The following KCNU1 variants were observed in gnomAD, a reference collection of about 807,000 sequenced individuals.
KCNU1 encodes potassium calcium-activated channel subfamily U member 1.
A neutral mutation model predicts 126.8 loss-of-function variants in KCNU1; 93 were observed. That is an observed-to-expected ratio of 0.73 (90% CI 0.62 to 0.87). The LOEUF is 0.87. Among genes scored for constraint, KCNU1 ranks in the 40% least tolerant of loss-of-function variants. The pLI, the probability that KCNU1 is intolerant of heterozygous loss-of-function variation, is 0.00. For synonymous variants in KCNU1, 523 were observed against 494.2 expected, an observed-to-expected ratio of 1.06 and a Z score of -0.77; for missense variants, 1,330 against 1,367.1, an observed-to-expected ratio of 0.97 and a Z score of 0.43.
At chr8:36,786,001 T>C (rs542351847) in intron 1 of KCNU1, among the ~76,000 whole-genome samples, 1 of 152,102 alleles carries the variant, frequency 6.6e-6, no homozygotes, top group Non-Finnish European at 1.5e-5. Flanking sequence ...TGCTTTTGAA[T>C]CTTGAGGAAA....
At chr8:36,909,032 G>A (rs563183230) in intron 20 of KCNU1, among the ~76,000 whole-genome samples, 26 of 152,262 alleles carry the variant, frequency 1.7e-4, no homozygotes, top group African/African-American at 5.3e-4. Context: ...ACACCCTGAG[G>A]AATGATGCTA....
Position 36,909,479 on chromosome 8 carries a change from T to A in KCNU1, c.2275T>A (p.Tyr759Asn), listed in dbSNP as rs772025072. 6 of 1,613,224 alleles carry A rather than the reference T, an allele frequency of 3.7e-6. No individual in the cohort carries two copies. In the East Asian group the frequency reaches 1.3e-4, roughly 36 times the overall value. ...CATAGTGTTCATTGGGTCTCTGGAC[T>A]ATCTACAGAGAGAATGGCGATTTCT... The part of the protein sequence containing the change: ...KDIVFIGSLD[Y>N]LQREWRFLWN... Residue 759 changes from tyrosine (Y) to asparagine (N), a missense_variant, in exon 21 of 27, where the codon TAT becomes AAT. Tyr to Asn is a moderately radical substitution (Grantham distance 143, BLOSUM62 -2). This residue lies in a region of KCNU1 where 1,054 missense variants were observed against 1,053.9 expected (regional missense o/e 1.00). Transcript: ENST00000399881.
At position 36,805,178 on chromosome 8, in the gene KCNU1, C is replaced by T. The variant is rs186736364; in HGVS notation, c.378-17C>T. The T allele has an allele frequency of 9.5e-5, 149 of 1,572,706 alleles. No individual in the cohort carries two copies. The highest frequency in any genetic ancestry group is 1.7e-4 in the Middle Eastern group (1 of 5,930). ...AAAAATGTTGATCTTCACAAACTGT[C>T]CTTCTTTCTTTTCCAGCCCTGTTGG... is the stretch of plus-strand genomic sequence containing the variant. On this transcript the variant is annotated splice_polypyrimidine_tract_variant and intron_variant, in intron 3 of 26. Transcript: ENST00000399881.
chr8:36,830,496 C>T (rs146416484), intron 10 of KCNU1, among the ~76,000 whole-genome samples: 1,738 of 151,946 alleles, frequency 0.011, 17 homozygotes, highest in Middle Eastern at 0.024. Flanking sequence ...GTGAATCTCA[C>T]GGATATTTTT....
chr8:36,887,944 C>G (rs1003955919), intron 19 of KCNU1, among the ~76,000 whole-genome samples: 1 of 152,064 alleles, frequency 6.6e-6, no homozygotes. Flanking sequence ...TATGTTGAAA[C>G]AATAGAAGGG....
chr8:36,835,676 A>G (rs1228497025), intron 12 of KCNU1, among the ~76,000 whole-genome samples: 1 of 152,184 alleles, frequency 6.6e-6, no homozygotes, highest in Non-Finnish European at 1.5e-5. Context: ...GGCTAGAGTC[A>G]GTGTTATTAC....
intron 26 of KCNU1, 36 bp from the exon 27 acceptor site, chr8:36,935,479 C>A: frequency 4.6e-6 from 7 of 1,533,858 alleles, no homozygotes; most frequent in Non-Finnish European, 6.2e-6. Context: ...TGGCCAGCTG[C>A]AGAACCTCAG....
chr8:36,881,768 C>G (rs566618043), intron 19 of KCNU1, among the ~76,000 whole-genome samples: 105 of 149,496 alleles, frequency 7.0e-4, no homozygotes, highest in African/African-American at 2.5e-3. Context: ...TTCCTGCCTA[C>G]CTCATGGTGT....
At chr8:36,796,686 G>T (rs1803112018) in intron 2 of KCNU1, among the ~76,000 whole-genome samples, 1 of 152,096 alleles carries the variant, frequency 6.6e-6, no homozygotes, top group Non-Finnish European at 1.5e-5. Context: ...ATGTAACATT[G>T]ATCCTCCTGT....
chr8:36,936,099 G>A lies in KCNU1; in HGVS notation c.*179G>A, dbSNP rs967262677. The A allele has an allele frequency of 6.1e-6, 3 of 492,976 alleles. No individual in the cohort carries two copies. Among genetic ancestry groups the A allele is most frequent in the Non-Finnish European group, 1.1e-5 (3 of 283,900 alleles). The allele number at this position is 492,976 out of a possible 1,614,324, so 30.5% of individuals were successfully genotyped here. On this transcript the variant is annotated 3_prime_UTR_variant, in exon 27 of 27. Coordinates refer to ENST00000399881, the MANE Select transcript of KCNU1 (RefSeq NM_001031836.3). ...AAAGTCTAATGCCACTGGATCTTGTGTGATAAATAAAGAAATATATGATCA... is the reference window on the plus strand; with the variant it reads ...AAAGTCTAATGCCACTGGATCTTGTATGATAAATAAAGAAATATATGATCA...
At chr8:36,907,802 T>C (rs1304762276) in intron 20 of KCNU1, among the ~76,000 whole-genome samples, 2 of 152,202 alleles carry the variant, frequency 1.3e-5, no homozygotes, top group Non-Finnish European at 2.9e-5. Flanking sequence ...TGTCTAGGAA[T>C]GCAGGGAATG....
At chr8:36,848,121 A>G (rs898435209) in intron 18 of KCNU1, among the ~76,000 whole-genome samples, 1 of 152,170 alleles carries the variant, frequency 6.6e-6, no homozygotes, top group Non-Finnish European at 1.5e-5. Context: ...CAAAATGTTT[A>G]TTCAGATCTT....
At chr8:36,824,673 T>C (rs917182836) in intron 10 of KCNU1, among the ~76,000 whole-genome samples, 8 of 152,176 alleles carry the variant, frequency 5.3e-5, no homozygotes, top group African/African-American at 1.7e-4. Flanking sequence ...TTATATCTTA[T>C]TATTTTTTGT....
intron 26 of KCNU1, 37 bp from the exon 27 acceptor site, chr8:36,935,478 G>T (rs1808823398): frequency 2.0e-6 from 3 of 1,534,022 alleles, no homozygotes; most frequent in Non-Finnish European, 2.6e-6. Flanking sequence ...CTGGCCAGCT[G>T]CAGAACCTCA....
At chr8:36,866,937 T>G (rs1008186183) in intron 19 of KCNU1, among the ~76,000 whole-genome samples, 2 of 152,168 alleles carry the variant, frequency 1.3e-5, no homozygotes, top group Non-Finnish European at 2.9e-5. Flanking sequence ...TACCCTGACT[T>G]GATCATTACA....
intron 19 of KCNU1, among the ~76,000 whole-genome samples, chr8:36,904,563 A>G (rs1807548049): frequency 6.6e-6 from 1 of 152,194 alleles, no homozygotes; most frequent in Non-Finnish European, 1.5e-5. Context: ...CAGAGACAGA[A>G]ATGCTCACTG....
At chr8:36,892,144 C>T (rs1315912583) in intron 19 of KCNU1, among the ~76,000 whole-genome samples, 1 of 151,896 alleles carries the variant, frequency 6.6e-6, no homozygotes, top group African/African-American at 2.4e-5. Context: ...GTGTATATTT[C>T]TTCAATAGGT....
intron 14 of KCNU1, among the ~76,000 whole-genome samples, chr8:36,837,147 T>C (rs745899350): frequency 9.2e-5 from 14 of 152,124 alleles, no homozygotes; most frequent in Non-Finnish European, 1.5e-4. Context: ...ATTTATTTTA[T>C]TCCTGCCTAA....
chr8:36,864,484 T>C lies in KCNU1; in HGVS notation c.1972T>C (p.Ser658Pro), dbSNP rs1805836115. The change falls in exon 19 of 27, where the codon TCT becomes CCT. Residue 658 changes from serine to proline, a missense_variant. Transcript: ENST00000399881. The part of the protein sequence containing the change: ...ISGQDSPPRV[S>P]ASTSSISNFT... ...AGGGCAGGATTCTCCGCCAAGGGTA[T>C]CTGCAAGCACTTCGAGCATATCAAA... 6.2e-7 allele frequency: 1 copy of C among 1,612,616 alleles called. No homozygotes were observed. The highest frequency in any genetic ancestry group is 1.7e-5 in the Admixed American group (1 of 59,968).
Sources: gnomAD v4.1 joint callset for allele counts (sites outside exome capture counted in the v4.1 genomes callset) on GRCh38, gnomAD v4.1.1 for gene constraint, gnomAD v4.1.1 regional missense constraint, MANE v1.5 for transcripts, NCBI Gene and HGNC (gene_info 2026-07-23, HGNC 2026-07-21) for gene names.